Variants in PDS5B observed in about 807,000 individuals in gnomAD.
The protein encoded by PDS5B is sister chromatid cohesion protein PDS5 homolog B.
In PDS5B, 51 loss-of-function variants were observed where a neutral mutation model predicts 184.1. The ratio of observed to expected loss-of-function variants is 0.28; its 90% CI spans 0.22 to 0.35. The LOEUF is 0.35. Ranked by LOEUF, PDS5B falls within the 10% of genes least tolerant of loss-of-function variation. The pLI, the probability that PDS5B is intolerant of heterozygous loss-of-function variation, is 1.00. For missense variants in PDS5B, 1,180 were observed against 1,723.3 expected (o/e 0.68, Z 5.58); for synonymous variants, 566 against 569.2 (o/e 0.99, Z 0.08).
At chr13:32,737,442 C>T (rs1953377725) in intron 21 of PDS5B, among the ~76,000 whole-genome samples, 1 of 152,114 alleles carries the variant, frequency 6.6e-6, no homozygotes, top group Non-Finnish European at 1.5e-5. Flanking sequence ...AAGCTTTGCT[C>T]AACTTCTTAT....
intron 1 of PDS5B, among the ~76,000 whole-genome samples, chr13:32,603,695 C>T (rs1046207673): frequency 1.3e-5 from 2 of 152,168 alleles, no homozygotes; most frequent in African/African-American, 4.8e-5. Flanking sequence ...GCGGTATGGC[C>T]ATTTTCACAG....
intron 1 of PDS5B, among the ~76,000 whole-genome samples, chr13:32,620,854 C>G (rs908358324): frequency 6.6e-6 from 1 of 152,038 alleles, no homozygotes; most frequent in African/African-American, 2.4e-5. Flanking sequence ...ACATAGTTTT[C>G]TTCTTTCTAT....
At chr13:32,608,807 A>T (rs1042915525) in intron 1 of PDS5B, among the ~76,000 whole-genome samples, 1 of 152,198 alleles carries the variant, frequency 6.6e-6, no homozygotes, top group African/African-American at 2.4e-5. Flanking sequence ...GCACTGGAGG[A>T]GCTGTGAGCC....
chr13:32,681,625 CA>C (rs1215027589), intron 10 of PDS5B, among the ~76,000 whole-genome samples: 134 of 134,984 alleles, frequency 9.9e-4, no homozygotes, highest in African/African-American at 2.6e-3. Flanking sequence ...GACTCAGTCT[CA>C]AAAAAAAAAA....
chr13:32,744,898 T>C (rs1953689970), intron 23 of PDS5B, among the ~76,000 whole-genome samples: 1 of 152,170 alleles, frequency 6.6e-6, no homozygotes, highest in Non-Finnish European at 1.5e-5. Flanking sequence ...ATGTACACAA[T>C]AGACATAGAT....
At chr13:32,676,011 T>G (rs747542269) in intron 9 of PDS5B, 52 bp downstream of exon 9, 3 of 979,640 alleles carry the variant, frequency 3.1e-6, no homozygotes, top group Non-Finnish European at 4.8e-6. Flanking sequence ...CTACTGACCG[T>G]TTTTTTAAGA....
intron 1 of PDS5B, among the ~76,000 whole-genome samples, chr13:32,589,016 G>T (rs2057733235): frequency 6.6e-6 from 1 of 152,176 alleles, no homozygotes; most frequent in Non-Finnish European, 1.5e-5. Flanking sequence ...ACTAACAGGA[G>T]TGCTCAGTAT....
At chr13:32,625,326 C>T (rs901924950) in intron 1 of PDS5B, among the ~76,000 whole-genome samples, 2 of 152,152 alleles carry the variant, frequency 1.3e-5, no homozygotes, top group African/African-American at 4.8e-5. Context: ...ATCCTCCTGT[C>T]TCAGCGTCCT....
At chr13:32,630,591 T>C (rs2058438878) in intron 1 of PDS5B, among the ~76,000 whole-genome samples, 1 of 152,120 alleles carries the variant, frequency 6.6e-6, no homozygotes, top group Non-Finnish European at 1.5e-5. Context: ...GAAATATAAT[T>C]GTTCTCTGGT....
intron 1 of PDS5B, among the ~76,000 whole-genome samples, chr13:32,615,669 A>G (rs1360228022): frequency 2.0e-5 from 3 of 152,154 alleles, no homozygotes; most frequent in Non-Finnish European, 4.4e-5. Flanking sequence ...TTGGAATTAC[A>G]TCTGGAATTA....
At chr13:32,755,806 GT>G (rs199745922) in intron 25 of PDS5B, 35 bp from the exon 26 acceptor site, 185 of 966,948 alleles carry the variant, frequency 1.9e-4, no homozygotes, top group South Asian at 2.9e-4. Flanking sequence ...TTTTTCTTTT[GT>G]TTTTTTTTGT....
At chr13:32,661,295 A>G (rs1473659520) in intron 6 of PDS5B, among the ~76,000 whole-genome samples, 2 of 144,226 alleles carry the variant, frequency 1.4e-5, no homozygotes, top group Admixed American at 7.2e-5. Flanking sequence ...GAGGCAGGAG[A>G]ATTGCTTGAA....
At chr13:32,716,969 G>T (rs1371981497) in intron 19 of PDS5B, among the ~76,000 whole-genome samples, 1 of 115,582 alleles carries the variant, frequency 8.7e-6, no homozygotes, top group Non-Finnish European at 1.9e-5. Flanking sequence ...GGAGGGAGGT[G>T]GGGGGGTCAG....
At chr13:32,702,733 A>C (rs1220223605) in intron 17 of PDS5B, among the ~76,000 whole-genome samples, 1 of 152,212 alleles carries the variant, frequency 6.6e-6, no homozygotes, top group African/African-American at 2.4e-5. Context: ...TTTATAGTGT[A>C]ATGTGGCATC....
chr13:32,770,237 G>A lies in PDS5B; in HGVS notation c.3741G>A (p.Gln1247=), dbSNP rs1461313163. Residue 1247 remains glutamine (Q), a synonymous_variant, in exon 32 of 35, where the codon CAG becomes CAA. Transcript: ENST00000315596. ...AGGAACAGAAACCTAAAGGCAGTCA[G>A]CGAAGTCGGAAAAGAGGCCATACGG... The part of the protein sequence containing the change: ...LVQEQKPKGS[Q]RSRKRGHTAS... The A allele has an allele frequency of 6.8e-6, 11 of 1,614,018 alleles. No individual in the cohort carries two copies. Among genetic ancestry groups the A allele is most frequent in the African/African-American group, 2.7e-5 (2 of 74,996 alleles).
At chr13:32,739,927 A>G (rs1953480503) in intron 21 of PDS5B, among the ~76,000 whole-genome samples, 1 of 152,050 alleles carries the variant, frequency 6.6e-6, no homozygotes, top group Admixed American at 6.6e-5. Context: ...TTATAAATCT[A>G]CCTGATAGTC....
intron 26 of PDS5B, among the ~76,000 whole-genome samples, chr13:32,757,608 G>T (rs1954230173): frequency 6.6e-6 from 1 of 152,058 alleles, no homozygotes; most frequent in South Asian, 2.1e-4. Flanking sequence ...GCTTATAATT[G>T]TCAATCTTGA....
At chr13:32,663,329 G>GA (rs572233586) in intron 6 of PDS5B, among the ~76,000 whole-genome samples, 2,029 of 108,824 alleles carry the variant, frequency 0.019, 25 homozygotes, top group African/African-American at 0.046. Context: ...AACCAAGCAA[G>GA]AAAAAAAAAA....
At chr13:32,621,018 A>G (rs1240070976) in intron 1 of PDS5B, among the ~76,000 whole-genome samples, 9 of 152,270 alleles carry the variant, frequency 5.9e-5, no homozygotes, top group Non-Finnish European at 1.0e-4. Context: ...TATAATGGAA[A>G]AACAGAAATT....
Sources: allele counts gnomAD v4.1 joint callset (sites outside exome capture counted in the v4.1 genomes callset), GRCh38; gene constraint gnomAD v4.1.1; transcripts MANE v1.5; gene names NCBI Gene and HGNC (gene_info 2026-07-23, HGNC 2026-07-21).